Variants in ZNF469 observed in about 807,000 individuals in gnomAD.
ZNF469 encodes the protein zinc finger protein 469.
A neutral mutation model predicts 1.0 loss-of-function variants in ZNF469; 1 was observed. That is an observed-to-expected ratio of 1.00 (90% confidence interval 0.35 to 4.73). ZNF469 has a LOEUF of 4.73. ZNF469 is among the 30% of genes most tolerant of loss of function. The pLI is 0.16. For missense variants in ZNF469, 6,100 were observed against 5,356.3 expected, an observed-to-expected ratio of 1.14 and a Z score of -4.33; for synonymous variants, 2,703 against 2,363.4, an observed-to-expected ratio of 1.14 and a Z score of -4.17.
the ZNF469 span, among the ~76,000 whole-genome samples, chr16:88,124,866 G>A: frequency 6.6e-6 from 1 of 152,238 alleles, no homozygotes; most frequent in Non-Finnish European, 1.5e-5. Context: ...TTACAGGCGT[G>A]AGCCACTGCG....
chr16:88,136,380 C>T, the ZNF469 span, among the ~76,000 whole-genome samples: 13 of 152,246 alleles, frequency 8.5e-5, no homozygotes, highest in Admixed American at 6.5e-4. Flanking sequence ...ATGTTCAAGG[C>T]ATGCAGCTGT....
the ZNF469 span, among the ~76,000 whole-genome samples, chr16:88,254,445 A>T: frequency 2.0e-5 from 3 of 152,162 alleles, no homozygotes; most frequent in African/African-American, 7.2e-5. Flanking sequence ...AGCTCCTCTA[A>T]TTGTGTTGTT....
At chr16:88,323,048 G>A in the ZNF469 span, among the ~76,000 whole-genome samples, 1 of 152,212 alleles carries the variant, frequency 6.6e-6, no homozygotes, top group Non-Finnish European at 1.5e-5. Flanking sequence ...ATTACCTGTG[G>A]ACAGTGTGGA....
At chr16:88,300,812 C>T in the ZNF469 span, among the ~76,000 whole-genome samples, 1 of 152,134 alleles carries the variant, frequency 6.6e-6, no homozygotes, top group African/African-American at 2.4e-5. Context: ...CGCATGTGAT[C>T]CCAGAACTTT....
chr16:88,134,798 T>A, the ZNF469 span, among the ~76,000 whole-genome samples: 5 of 152,216 alleles, frequency 3.3e-5, no homozygotes, highest in Admixed American at 3.3e-4. Context: ...TGTTTGCATT[T>A]TTTCTTTGGC....
At chr16:88,257,787 C>G in the ZNF469 span, among the ~76,000 whole-genome samples, 1 of 152,202 alleles carries the variant, frequency 6.6e-6, no homozygotes, top group Non-Finnish European at 1.5e-5. Flanking sequence ...ACACCCTGGT[C>G]AGCAAAGGAA....
chr16:88,380,700 ACACT>A (rs1447884175), upstream of ZNF469, among the ~76,000 whole-genome samples: 2 of 144,670 alleles, frequency 1.4e-5, no homozygotes, highest in Non-Finnish European at 3.0e-5. Context: ...ACATGCACTC[ACACT>A]CAGACATGCA....
chr16:88,257,282 G>A, the ZNF469 span, among the ~76,000 whole-genome samples: 1 of 152,042 alleles, frequency 6.6e-6, no homozygotes. Context: ...CTTTTCATAT[G>A]CTTATTTGCC....
chr16:88,132,701 G>C, the ZNF469 span, among the ~76,000 whole-genome samples: 1 of 152,312 alleles, frequency 6.6e-6, no homozygotes, highest in South Asian at 2.1e-4. Context: ...ACTAAATGGA[G>C]ACATAAGTGC....
the ZNF469 span, among the ~76,000 whole-genome samples, chr16:88,247,681 CTGAATGAGTGAGTGAGTGAG>C: frequency 2.1e-5 from 3 of 145,196 alleles, no homozygotes; most frequent in South Asian, 6.7e-4. Context: ...TCGTGAATGA[CTGAATGAGTGAGTGAGTGAG>C]TGAATGAGTG....
chr16:88,313,977 T>G, the ZNF469 span, among the ~76,000 whole-genome samples: 3 of 151,256 alleles, frequency 2.0e-5, no homozygotes, highest in Non-Finnish European at 4.4e-5. Context: ...GTGGAATATC[T>G]CTGTGATTAT....
the ZNF469 span, among the ~76,000 whole-genome samples, chr16:88,326,620 A>G: frequency 2.6e-5 from 4 of 152,256 alleles, 1 homozygote; most frequent in African/African-American, 9.6e-5. Flanking sequence ...GCCACCTCAC[A>G]TGGAGGTCAG....
the ZNF469 span, among the ~76,000 whole-genome samples, chr16:88,309,451 C>G: frequency 6.9e-6 from 1 of 145,018 alleles, no homozygotes; most frequent in Non-Finnish European, 1.5e-5. Context: ...GGACACCTGA[C>G]GCGGGGAGTA....
the ZNF469 span, among the ~76,000 whole-genome samples, chr16:88,340,827 G>A: frequency 6.6e-6 from 1 of 152,170 alleles, no homozygotes; most frequent in African/African-American, 2.4e-5. Context: ...ACAGGCAGAG[G>A]TGTCAGGCAG....
At chr16:88,223,417 C>T in the ZNF469 span, among the ~76,000 whole-genome samples, 2 of 152,268 alleles carry the variant, frequency 1.3e-5, no homozygotes, top group South Asian at 2.1e-4. Flanking sequence ...ATAAATGACC[C>T]AGTCTTGGGT....
At chr16:88,229,003 T>A in the ZNF469 span, among the ~76,000 whole-genome samples, 2 of 152,104 alleles carry the variant, frequency 1.3e-5, no homozygotes, top group Non-Finnish European at 2.9e-5. Flanking sequence ...CTTGTCAAGG[T>A]AAGAGCTGAG....
At chr16:88,238,565 C>A in the ZNF469 span, among the ~76,000 whole-genome samples, 3 of 152,318 alleles carry the variant, frequency 2.0e-5, no homozygotes, top group East Asian at 3.9e-4. Context: ...CTTAGGAGGC[C>A]ACTGTCCAGG....
At chr16:88,342,792 T>A in the ZNF469 span, among the ~76,000 whole-genome samples, 1 of 152,342 alleles carries the variant, frequency 6.6e-6, no homozygotes, top group East Asian at 1.9e-4. Flanking sequence ...AGCCGCCTGA[T>A]GCCAGCGTAG....
chr16:88,174,342 A>G, the ZNF469 span, among the ~76,000 whole-genome samples: 1 of 152,262 alleles, frequency 6.6e-6, no homozygotes. Flanking sequence ...TTCAACTTAC[A>G]TGAAGCAAAA....
Sources: allele counts gnomAD v4.1 joint callset (sites outside exome capture counted in the v4.1 genomes callset), GRCh38; gene constraint gnomAD v4.1.1; transcripts MANE v1.5; gene names NCBI Gene and HGNC (gene_info 2026-07-23, HGNC 2026-07-21).